MAPK12: variants seen among roughly 807,000 people sequenced by gnomAD.
MAPK12 encodes the protein MAP kinase 12.
A neutral mutation model predicts 49.1 loss-of-function variants in MAPK12; 49 were observed. The observed-to-expected ratio is 1.00, with a 90% CI of 0.79 to 1.27. The LOEUF (loss-of-function observed/expected upper bound fraction) is 1.27, where lower values mean the gene tolerates loss of function less well. Among genes scored for constraint, MAPK12 ranks in the 50% most tolerant of loss-of-function variants. The pLI is 0.00. For synonymous variants in MAPK12, 251 were observed against 209.7 expected, an observed-to-expected ratio of 1.20 and a Z score of -1.70; for missense variants, 554 against 502.4, an observed-to-expected ratio of 1.10 and a Z score of -0.98.
chr22:50,254,133 G>A (rs5771276), intron 11 of MAPK12: 111,900 of 153,414 alleles, frequency 0.73, 41,232 homozygotes, highest in South Asian at 0.84. Context: ...GCCTCAGGCC[G>A]CAGCATAGCT....
At position 50,261,259 on chromosome 22, in the gene MAPK12, T is replaced by C. The variant is rs1008492127; in HGVS notation, c.163A>G (p.Ile55Val). ...TGGAAAGGCCGATACAGCTTCTTGA[T>C]GGCCACCTTAGCGCCGGTGCGGCCG... ...VDGRTGAKVA[I>V]KKLYRPFQSE... The change falls in exon 2 of 12, where the codon ATC (isoleucine) becomes GTC (valine). Residue 55 changes from isoleucine (I) to valine (V), a missense_variant. Physicochemically the swap from Ile to Val is conservative, Grantham distance 29. Transcript: ENST00000215659. The C allele has an allele frequency of 3.8e-6, 6 of 1,563,750 alleles. No individual in the cohort carries two copies. In the African/African-American group the frequency reaches 4.2e-5, roughly 11 times the overall value.
intron 3 of MAPK12, chr22:50,257,503 T>C: frequency 1.9e-6 from 1 of 522,046 alleles, no homozygotes; most frequent in South Asian, 2.2e-5. Flanking sequence ...CGTGCCAGGC[T>C]AGGGGCTGAG....
intron 11 of MAPK12, 37 bp downstream of exon 11, chr22:50,255,160 G>A: frequency 6.2e-7 from 1 of 1,611,246 alleles, no homozygotes; most frequent in South Asian, 1.1e-5. Flanking sequence ...CCCCCCACTT[G>A]GGTCCACACA....
intron 2 of MAPK12, among the ~76,000 whole-genome samples, chr22:50,258,887 C>T (rs1255596437): frequency 2.6e-5 from 4 of 152,156 alleles, no homozygotes; most frequent in South Asian, 4.1e-4. Flanking sequence ...ATGTGGGCTG[C>T]GGGACACCTG....
rs965696480 is a variant in MAPK12, at chr22:50,253,127, T to G, written c.*274A>C. The G allele has an allele frequency of 2.0e-6, 1 of 493,454 alleles. No homozygotes were observed. Among genetic ancestry groups the G allele is most frequent in the Non-Finnish European group, 3.7e-6 (1 of 268,730 alleles). The allele number at this position is 493,454 out of a possible 1,614,324, so 30.6% of individuals were successfully genotyped here. ...GGAGCCCCACCAGCTCTGAGGTTTC[T>G]GAGAGCACCGGGCAAGTGGGCCACT... On this transcript the variant is annotated 3_prime_UTR_variant, in exon 12 of 12. Coordinates refer to ENST00000215659, the MANE Select transcript of MAPK12 (RefSeq NM_002969.6).
At chr22:50,255,733 T>C (rs2065143174) in intron 8 of MAPK12, 39 bp from the exon 9 acceptor site, 1 of 1,608,602 alleles carries the variant, frequency 6.2e-7, no homozygotes, top group African/African-American at 1.3e-5. Flanking sequence ...GGGCCAGAGA[T>C]CAGGGCCCCC....
At chr22:50,253,575 G>C in intron 11 of MAPK12, 95 bp from the exon 12 acceptor site, 1 of 704,982 alleles carries the variant, frequency 1.4e-6, no homozygotes, top group Non-Finnish European at 2.6e-6. Flanking sequence ...GCGGTGCCTC[G>C]TGGGGCCCTT....
In MAPK12 at chr22:50,254,653, A is replaced by G; in HGVS notation, c.1024+544T>C. 4 of 1,011,746 alleles carry G rather than the reference A, an allele frequency of 4.0e-6. No homozygotes were observed. The South Asian group carries it at 1.6e-4, about 42-fold the overall frequency. 62.7% of individuals were successfully genotyped at this position (1,011,746 alleles called of 1,614,324 possible). On this transcript the variant is annotated intron_variant, in intron 11 of 11. Transcript: ENST00000215659. ...GGCATCAGAGTGAGACTCCGTCTCA[A>G]AAAACAAAAATGGGGCAAGGAGAGG... is the stretch of plus-strand genomic sequence containing the variant.
chr22:50,259,791 G>A (rs1403367163), intron 2 of MAPK12, among the ~76,000 whole-genome samples: 1 of 152,020 alleles, frequency 6.6e-6, no homozygotes, highest in African/African-American at 2.4e-5. Context: ...GGCTGAAGCA[G>A]GAGAATCGCC....
intron 3 of MAPK12, chr22:50,257,761 C>T: frequency 1.5e-6 from 1 of 688,590 alleles, no homozygotes; most frequent in Admixed American, 2.1e-5. Context: ...CTGCTACCCT[C>T]TCCAGGCCTT....
In MAPK12 at chr22:50,256,952, C is replaced by T; in HGVS notation, c.439G>A (p.Ala147Thr). The T allele has an allele frequency of 6.2e-7, 1 of 1,606,466 alleles. No homozygotes were observed. The highest frequency in any genetic ancestry group is 1.1e-5 in the South Asian group (1 of 90,658). ...MLKGLRYIHAAGIIHRDLKPG... is the reference protein window; with the variant it reads ...MLKGLRYIHATGIIHRDLKPG... ...GGACTCACTCTGTGGATGATGCCGG[C>T]AGCGTGGATATACTGCGGGGGGCAG... is the stretch of plus-strand genomic sequence containing the variant. The change falls in exon 5 of 12, where the codon GCC becomes ACC. Residue 147 changes from alanine (A) to threonine (T), a missense_variant. By Grantham distance (58) the Ala-to-Thr change is moderately conservative. Transcript: ENST00000215659.
intron 2 of MAPK12, chr22:50,260,874 G>A (rs564405254): frequency 4.0e-5 from 11 of 276,922 alleles, no homozygotes; most frequent in Middle Eastern, 1.1e-3. Flanking sequence ...AGACCTGGAG[G>A]ATCCCCTGGG....
intron 2 of MAPK12, among the ~76,000 whole-genome samples, chr22:50,259,227 G>A (rs1047226631): frequency 4.6e-5 from 7 of 152,210 alleles, no homozygotes; most frequent in Admixed American, 3.9e-4. Context: ...GTGGAGGGAG[G>A]AGGAGAGGGA....
chr22:50,255,283 G>A lies in MAPK12; in HGVS notation c.938C>T (p.Ser313Phe), dbSNP rs759466661. Residue 313 changes from serine to phenylalanine, a missense_variant, in exon 11 of 12, where the codon TCC becomes TTC. Coordinates refer to ENST00000215659, the MANE Select transcript of MAPK12 (RefSeq NM_002969.6). ...GGGCTCATCTTCCGTGTCGTGCAGG[G>A]ACTCGAAGTAGGGATGGGCCAGCGC... The part of the protein sequence containing the change: ...GEALAHPYFE[S>F]LHDTEDEPQV... The A allele has an allele frequency of 1.9e-6, 3 of 1,613,684 alleles. No individual in the cohort carries two copies. Among genetic ancestry groups the A allele is most frequent in the Non-Finnish European group, 2.5e-6 (3 of 1,180,028 alleles).
rs1466608220 is a variant in MAPK12, at chr22:50,254,776, G to T, written c.1024+421C>A. On this transcript the variant is annotated intron_variant, in intron 11 of 11. Coordinates refer to ENST00000215659, the MANE Select transcript of MAPK12 (RefSeq NM_002969.6). ...CCCAGGTCTCTGGCCTGGACATGGC[G>T]GAAGGGCAGCAGGTCTGGGGGCCAG... is the stretch of plus-strand genomic sequence containing the variant. 3 of 1,124,914 alleles carry T rather than the reference G, an allele frequency of 2.7e-6. No individual in the cohort carries two copies. The East Asian group carries it at 2.0e-4, about 74-fold the overall frequency. The allele number at this position is 1,124,914 out of a possible 1,614,324, so 69.7% of individuals were successfully genotyped here.
intron 5 of MAPK12, 62 bp from the exon 6 acceptor site, chr22:50,256,708 G>T: frequency 6.4e-7 from 1 of 1,559,738 alleles, no homozygotes; most frequent in Middle Eastern, 1.7e-4. Context: ...ACAGCCAAGA[G>T]CCTGGGTGGC....
chr22:50,253,023 G>A lies in MAPK12; in HGVS notation c.*378C>T, dbSNP rs1272468908. 6.1e-6 allele frequency: 2 copies of A among 328,028 alleles called. No homozygotes were observed. Among genetic ancestry groups the A allele is most frequent in the Non-Finnish European group, 1.2e-5 (2 of 169,898 alleles). The allele number at this position is 328,028 out of a possible 1,614,324, so 20.3% of individuals were successfully genotyped here. A position where few individuals can be genotyped will look rare whatever the true frequency, so the allele number is the denominator to read the frequency against. ...CGCCCAGGAGAGGGGATGTCCCTGA[G>A]TTGGTGCCCTGCGCCCACCCTCTGT... is the stretch of plus-strand genomic sequence containing the variant. On this transcript the variant is annotated 3_prime_UTR_variant, in exon 12 of 12. Transcript: ENST00000215659.
At chr22:50,258,800 C>T (rs1283893294) in intron 2 of MAPK12, among the ~76,000 whole-genome samples, 1 of 152,230 alleles carries the variant, frequency 6.6e-6, no homozygotes, top group African/African-American at 2.4e-5. Flanking sequence ...GTGACAACTG[C>T]CGCCTCAGCA....
Position 50,256,188 on chromosome 22 carries a change from G to A in MAPK12, c.516C>T (p.Phe172=), listed in dbSNP as rs144005448. The change falls in exon 7 of 12, where the codon TTC becomes TTT. Residue 172 remains phenylalanine, a synonymous_variant. Transcript: ENST00000215659. ...CACTGTCTGCCTGCCTGGCCAGGCC[G>A]AAGTCCAGGATCTGTGGGAAGAATT... ...NEDCELKILD[F]GLARQADSEM... 3.0e-5 allele frequency: 48 copies of A among 1,612,124 alleles called. No homozygotes were observed. The highest frequency in any genetic ancestry group is 2.7e-4 in the African/African-American group (20 of 75,044).
Sources: allele counts gnomAD v4.1 joint callset (sites outside exome capture counted in the v4.1 genomes callset), GRCh38; gene constraint gnomAD v4.1.1; transcripts MANE v1.5; gene names NCBI Gene and HGNC (gene_info 2026-07-23, HGNC 2026-07-21).